The following DACH2 variants were observed in gnomAD, a reference collection of about 807,000 sequenced individuals.
The protein encoded by DACH2 is dachshund homolog 2.
Under a neutral mutation model 35.8 loss-of-function variants are expected in DACH2, and 17 were observed. The observed-to-expected ratio is 0.48, with a 90% CI of 0.33 to 0.71. DACH2 has a LOEUF of 0.71. Among genes scored for constraint, DACH2 ranks in the 30% least tolerant of loss-of-function variants. The pLI, the probability that DACH2 is intolerant of heterozygous loss-of-function variation, is 0.02. For synonymous variants in DACH2, 195 were observed against 177.3 expected (o/e 1.10, Z -0.79); for missense variants, 469 against 472.7 (o/e 0.99, Z 0.07).
intron 2 of DACH2, among the ~76,000 whole-genome samples, chrX:86,477,368 AT>A (rs1281120587): frequency 4.1e-5 from 4 of 96,679 alleles, no homozygotes; most frequent in Middle Eastern, 5.7e-3. Flanking sequence ...ATATATATAT[AT>A]AATTGTTATA....
At chrX:86,565,359 G>T (rs1026127521) in intron 3 of DACH2, among the ~76,000 whole-genome samples, 4 of 111,201 alleles carry the variant, frequency 3.6e-5, no homozygotes, top group Non-Finnish European at 7.6e-5. Context: ...TACTAGACTA[G>T]TGGCTCTCAA....
chrX:86,645,731 C>T (rs768263085), intron 3 of DACH2, among the ~76,000 whole-genome samples: 4 of 110,979 alleles, frequency 3.6e-5, no homozygotes, highest in African/African-American at 1.3e-4. Flanking sequence ...TAAAAAGGAA[C>T]AAGATCATGC....
chrX:86,430,615 C>A (rs2036970181), intron 2 of DACH2, among the ~76,000 whole-genome samples: 1 of 112,148 alleles, frequency 8.9e-6, no homozygotes, highest in African/African-American at 3.2e-5. Flanking sequence ...AAGAAACTGA[C>A]CATGAAGGTC....
chrX:86,328,210 G>T (rs1022686684), intron 1 of DACH2, among the ~76,000 whole-genome samples: 2 of 111,630 alleles, frequency 1.8e-5, no homozygotes, highest in African/African-American at 6.5e-5. Flanking sequence ...AGTGGATATT[G>T]TACAAGGACT....
At chrX:86,288,472 T>C (rs1455800930) in intron 1 of DACH2, among the ~76,000 whole-genome samples, 1 of 111,795 alleles carries the variant, frequency 8.9e-6, no homozygotes, top group African/African-American at 3.3e-5. Context: ...CCCTTCAGAG[T>C]GGTGAGCTCC....
intron 7 of DACH2, among the ~76,000 whole-genome samples, chrX:86,786,931 A>C (rs1002386463): frequency 1.8e-5 from 2 of 111,383 alleles, no homozygotes; most frequent in Non-Finnish European, 3.8e-5. Flanking sequence ...ATGATAGAGA[A>C]TAAGTCTCAT....
chrX:86,451,502 G>T lies in DACH2; in HGVS notation c.528-62777G>T, dbSNP rs981635309. On this transcript the variant is annotated intron_variant, in intron 2 of 11. Transcript: ENST00000373125. ...GAAGTCAGGTAGCATGATATCTCCAGCTTAGTTCTTTTGGTTTAGGATTGT... is the reference window on the plus strand; with the variant it reads ...GAAGTCAGGTAGCATGATATCTCCATCTTAGTTCTTTTGGTTTAGGATTGT... 2.7e-5 allele frequency among the ~76,000 whole-genome samples: 3 copies of T among 111,442 alleles called. No individual in the cohort carries two copies. The Admixed American group carries it at 2.9e-4, about 11-fold the overall frequency.
intron 7 of DACH2, among the ~76,000 whole-genome samples, chrX:86,786,410 C>T (rs186911925): frequency 5.3e-4 from 59 of 111,661 alleles, no homozygotes; most frequent in African/African-American, 1.9e-3. Flanking sequence ...CCTGCAGATA[C>T]CAAGCCACGA....
intron 2 of DACH2, among the ~76,000 whole-genome samples, chrX:86,413,401 A>C (rs1204598419): frequency 8.9e-6 from 1 of 112,297 alleles, no homozygotes; most frequent in East Asian, 2.8e-4. Context: ...CAGTGACTGC[A>C]AACCAGGTGT....
At chrX:86,358,436 C>CACAA (rs1382174586) in intron 1 of DACH2, among the ~76,000 whole-genome samples, 1 of 24,364 alleles carries the variant, frequency 4.1e-5, no homozygotes, top group Non-Finnish European at 6.5e-5. Context: ...CCCCGCCACA[C>CACAA]ACACACACAC....
intron 2 of DACH2, among the ~76,000 whole-genome samples, chrX:86,460,529 G>T (rs1268676496): frequency 9.1e-6 from 1 of 110,410 alleles, no homozygotes; most frequent in African/African-American, 3.3e-5. Flanking sequence ...TTATATGCAA[G>T]ATCCTTTAGT....
chrX:86,209,339 A>G (rs769191797), intron 1 of DACH2, among the ~76,000 whole-genome samples: 1 of 111,616 alleles, frequency 9.0e-6, no homozygotes, highest in Non-Finnish European at 1.9e-5. Flanking sequence ...TGGTGATTCT[A>G]TCTAACCCTC....
intron 2 of DACH2, among the ~76,000 whole-genome samples, chrX:86,442,548 GT>G (rs1298873220): frequency 9.1e-6 from 1 of 109,702 alleles, no homozygotes; most frequent in Non-Finnish European, 1.9e-5. Flanking sequence ...AAACTTTTAA[GT>G]TTGTTGAAAT....
At chrX:86,458,670 A>G (rs1233642307) in intron 2 of DACH2, among the ~76,000 whole-genome samples, 1 of 112,199 alleles carries the variant, frequency 8.9e-6, no homozygotes, top group Non-Finnish European at 1.9e-5. Flanking sequence ...ATGTTCAAAT[A>G]TGTACCAAAT....
chrX:86,666,331 G>GAGAA (rs1556363138), intron 4 of DACH2, among the ~76,000 whole-genome samples: 170 of 110,681 alleles, frequency 1.5e-3, no homozygotes, highest in African/African-American at 5.2e-3. Flanking sequence ...GAGAGAGAGA[G>GAGAA]AATAAGCACA....
intron 2 of DACH2, among the ~76,000 whole-genome samples, chrX:86,459,370 G>C (rs969371166): frequency 9.0e-6 from 1 of 111,438 alleles, no homozygotes; most frequent in Non-Finnish European, 1.9e-5. Flanking sequence ...CAAGAACTTT[G>C]TTGCTTTAAA....
intron 3 of DACH2, among the ~76,000 whole-genome samples, chrX:86,521,728 C>A (rs772533427): frequency 9.8e-5 from 11 of 111,910 alleles, no homozygotes; most frequent in Non-Finnish European, 2.1e-4. Context: ...GAGGAATCTG[C>A]AGAGCTCTAC....
intron 11 of DACH2, among the ~76,000 whole-genome samples, chrX:86,826,869 A>G (rs1249293245): frequency 8.9e-6 from 1 of 112,439 alleles, no homozygotes; most frequent in Non-Finnish European, 1.9e-5. Flanking sequence ...TTGCTGCTAA[A>G]TTATATAGTG....
intron 2 of DACH2, among the ~76,000 whole-genome samples, chrX:86,396,602 C>T (rs1190608312): frequency 4.6e-5 from 5 of 108,293 alleles, no homozygotes; most frequent in South Asian, 8.1e-4. Context: ...CAGCTTTCTA[C>T]ATATGGCTAG....
Sources: gnomAD v4.1 joint callset for allele counts (sites outside exome capture counted in the v4.1 genomes callset) on GRCh38, gnomAD v4.1.1 for gene constraint, MANE v1.5 for transcripts, NCBI Gene and HGNC (gene_info 2026-07-23, HGNC 2026-07-21) for gene names.